The following UPF2 variants were observed in gnomAD, a reference collection of about 807,000 sequenced individuals.
UPF2 encodes UPF2 regulator of nonsense mediated mRNA decay.
A neutral mutation model predicts 141.4 loss-of-function variants in UPF2; 17 were observed. That is an observed-to-expected ratio of 0.12 (90% CI 0.08 to 0.18). The LOEUF is 0.18. Ranked by LOEUF, UPF2 falls within the 10% of genes least tolerant of loss-of-function variation. UPF2 has a pLI of 1.00. For missense variants in UPF2, 1,152 were observed against 1,515.9 expected, an observed-to-expected ratio of 0.76 and a Z score of 3.99; for synonymous variants, 540 against 498.0, an observed-to-expected ratio of 1.08 and a Z score of -1.12.
chr10:11,960,733 G>A (rs1833226562), intron 11 of UPF2, among the ~76,000 whole-genome samples: 1 of 151,782 alleles, frequency 6.6e-6, no homozygotes, highest in South Asian at 2.1e-4. Flanking sequence ...TCATGCCACT[G>A]CACTCCAGCC....
At position 11,979,528 on chromosome 10, in the gene UPF2, C is replaced by CAAGGATT. The variant is rs1833558496; in HGVS notation, c.1845-364_1845-363insAATCCTT. 6.6e-6 allele frequency among the ~76,000 whole-genome samples: 1 copy of CAAGGATT among 152,176 alleles called. No homozygotes were observed. Among genetic ancestry groups the CAAGGATT allele is most frequent in the South Asian group, 2.1e-4 (1 of 4,832 alleles). On this transcript the variant is annotated intron_variant, in intron 8 of 21. Transcript: ENST00000357604. This position sits in a 1 kb window ranked among gnomAD's most constrained non-coding sequence, Gnocchi z 6.2. ...ATTTACAAATCTCAAGGTAACTTCT[C>CAAGGATT]TAGTGCAAGACAAAATCCTTTAAAG...
rs1458378665 is a variant in UPF2, at chr10:12,016,205, C to A, written c.1146-2021G>T. Among the ~76,000 whole-genome samples, 4 of 151,940 alleles carry A rather than the reference C, an allele frequency of 2.6e-5. No individual in the cohort carries two copies. The highest frequency in any genetic ancestry group is 9.7e-5 in the African/African-American group (4 of 41,382). On this transcript the variant is annotated intron_variant, in intron 3 of 21. Transcript: ENST00000357604. This position sits in a 1 kb window ranked among gnomAD's most constrained non-coding sequence, Gnocchi z 4.1. ...AGAACTCATTTTGGAAGTGAAAAGT[C>A]ATTTAAAAAAAATTTTTTTTAATTT...
chr10:11,928,084 C>T (rs560225419), intron 21 of UPF2, among the ~76,000 whole-genome samples: 41 of 152,280 alleles, frequency 2.7e-4, no homozygotes, highest in African/African-American at 7.9e-4. Context: ...TTAACTTAAC[C>T]GCAAGACAAA....
rs73571361 is a variant in UPF2, at chr10:11,956,027, G to A, written c.2574+293C>T. Among the ~76,000 whole-genome samples the A allele has an allele frequency of 2.2e-3, 327 of 152,024 alleles. No individual in the cohort carries two copies. The highest frequency in any genetic ancestry group is 7.5e-3 in the African/African-American group (312 of 41,450). On this transcript the variant is annotated intron_variant, in intron 13 of 21. Coordinates refer to ENST00000357604, the MANE Select transcript of UPF2 (RefSeq NM_015542.4). The surrounding 1 kb of genome is among the most constrained non-coding windows in gnomAD (Gnocchi z 4.2). The stretch of plus-strand genomic sequence containing the variant: ...GGCGTGGTGGCATGCACCTGTAGTA[G>A]TCCCAGCTACTCGGGAAGTTGAAAC...
intron 10 of UPF2, among the ~76,000 whole-genome samples, chr10:11,965,074 AG>A (rs975198091): frequency 6.6e-6 from 1 of 152,180 alleles, no homozygotes; most frequent in Non-Finnish European, 1.5e-5. Context: ...TGAATTTTGG[AG>A]GATTTCAAAT....
In UPF2 at chr10:12,004,458, T is replaced by A. The variant is rs939310485; in HGVS notation, c.1504+72A>T. 96 of 1,218,426 alleles carry A rather than the reference T, an allele frequency of 7.9e-5. No homozygotes were observed. The Middle Eastern group carries it at 8.4e-4, about 11-fold the overall frequency. 75.5% of individuals were successfully genotyped at this position (1,218,426 alleles called of 1,614,324 possible). A position where few individuals can be genotyped will look rare whatever the true frequency, so the allele number is the denominator to read the frequency against. ...ACTAGTAACTACAATATATATATTTTTTTTTTACAAATACTATTTTGAAGC... is the reference window on the plus strand; with the variant it reads ...ACTAGTAACTACAATATATATATTTATTTTTTACAAATACTATTTTGAAGC... On this transcript the variant is annotated intron_variant, in intron 5 of 21. Transcript: ENST00000357604.
intron 8 of UPF2, among the ~76,000 whole-genome samples, chr10:11,991,966 T>C (rs1478709549): frequency 6.6e-6 from 1 of 152,110 alleles, no homozygotes; most frequent in Non-Finnish European, 1.5e-5. Context: ...GCCAACATGA[T>C]GAAACCCTGT....
rs998809274 is a variant in UPF2 at position 11,931,930 on chromosome 10, C to T, written c.3547-148G>A. On this transcript the variant is annotated intron_variant, in intron 19 of 21. Transcript: ENST00000357604. This position sits in a 1 kb window ranked among gnomAD's most constrained non-coding sequence, Gnocchi z 5.9. ...CTTTGGGAGGCCGAGGCGGGCGGAT[C>T]ACGAGGTCAAGAGATCAAGACCATC... 1.3e-6 allele frequency: 1 copy of T among 777,074 alleles called. No individual in the cohort carries two copies. The highest frequency in any genetic ancestry group is 1.8e-5 in the African/African-American group (1 of 55,742). The allele number at this position is 777,074 out of a possible 1,614,324, so 48.1% of individuals were successfully genotyped here.
intron 18 of UPF2, among the ~76,000 whole-genome samples, chr10:11,938,028 C>A (rs1161295739): frequency 6.6e-6 from 1 of 152,176 alleles, no homozygotes; most frequent in Non-Finnish European, 1.5e-5. Context: ...CGACTTCCCA[C>A]TGCCCCAACC....
chr10:12,024,539 G>A (rs1378901061), intron 3 of UPF2, among the ~76,000 whole-genome samples: 1 of 152,076 alleles, frequency 6.6e-6, no homozygotes, highest in African/African-American at 2.4e-5. Context: ...GAACCCAGGA[G>A]GCGGAGGTTG....
At position 11,974,601 on chromosome 10, in the gene UPF2, T is replaced by A. The variant is rs144295133; in HGVS notation, c.1953+4456A>T. Among the ~76,000 whole-genome samples the A allele has an allele frequency of 7.5e-3, 1,136 of 152,298 alleles. 12 individuals carry two copies. Among genetic ancestry groups the A allele is most frequent in the African/African-American group, 0.026 (1,064 of 41,546 alleles). Reference sequence around the variant, plus strand: ...TTTGAGCATGAAGGGCTGTTGAATTTTGTCAAAGGCCTTTTCTGCATCTAT... The same window carrying A: ...TTTGAGCATGAAGGGCTGTTGAATTATGTCAAAGGCCTTTTCTGCATCTAT... On this transcript the variant is annotated intron_variant, in intron 9 of 21. Coordinates refer to ENST00000357604, the MANE Select transcript of UPF2 (RefSeq NM_015542.4).
intron 2 of UPF2, 31 bp downstream of exon 2, chr10:12,035,028 T>G (rs779334004): frequency 2.0e-6 from 3 of 1,525,720 alleles, no homozygotes; most frequent in Non-Finnish European, 2.6e-6. Context: ...TCCCATTCCC[T>G]CACATCAATA....
chr10:12,029,257 T>G lies in UPF2; in HGVS notation c.633A>C (p.Glu211Asp). Residue 211 changes from glutamate to aspartate, a missense_variant, in exon 3 of 22, where the codon GAA becomes GAC. By Grantham distance (45) the Glu-to-Asp change is conservative (BLOSUM62 2). Coordinates refer to ENST00000357604, the MANE Select transcript of UPF2 (RefSeq NM_015542.4). The stretch of plus-strand genomic sequence containing the variant: ...TCACATCAGAGATTTTTAGTTTTGC[T>G]TCCACGATGGAAGCTACAGCTTCTG... ...YIAEAVASIV[E>D]AKLKISDVNC... 2.5e-6 allele frequency: 4 copies of G among 1,614,166 alleles called. No individual in the cohort carries two copies. The highest frequency in any genetic ancestry group is 3.4e-6 in the Non-Finnish European group (4 of 1,180,022).
At chr10:12,040,241 G>A (rs768229266) in intron 1 of UPF2, among the ~76,000 whole-genome samples, 3 of 152,042 alleles carry the variant, frequency 2.0e-5, no homozygotes, top group Admixed American at 1.3e-4. Context: ...CAACAACATG[G>A]TGAAACCCCA....
At chr10:12,039,455 T>A (rs1475591038) in intron 1 of UPF2, among the ~76,000 whole-genome samples, 1 of 152,178 alleles carries the variant, frequency 6.6e-6, no homozygotes, top group Non-Finnish European at 1.5e-5. Context: ...GACAATTTAA[T>A]ATCTAAGGTA....
At chr10:11,928,783 T>G (rs1017102752) in intron 21 of UPF2, 8 of 265,512 alleles carry the variant, frequency 3.0e-5, no homozygotes, top group Non-Finnish European at 5.3e-5. Context: ...CTTTATAGAG[T>G]TTTAAATTAT....
At chr10:11,994,899 C>A (rs12413412) in intron 8 of UPF2, among the ~76,000 whole-genome samples, 7,873 of 143,364 alleles carry the variant, frequency 0.055, 282 homozygotes, top group Non-Finnish European at 0.081. Flanking sequence ...TGGCGTGAAC[C>A]TGGGAGGCAG....
intron 4 of UPF2, among the ~76,000 whole-genome samples, chr10:12,012,795 C>T (rs9424136): frequency 0.61 from 86,725 of 141,122 alleles, 27,048 homozygotes; most frequent in Non-Finnish European, 0.71. Context: ...CAAGACTCCG[C>T]CAAAAAAAAA....
rs1416318290 is a variant in UPF2 at position 11,959,525 on chromosome 10, T to G, written c.2185-169A>C. On this transcript the variant is annotated intron_variant, in intron 11 of 21. Coordinates refer to ENST00000357604, the MANE Select transcript of UPF2 (RefSeq NM_015542.4). The surrounding 1 kb of genome is among the most constrained non-coding windows in gnomAD (Gnocchi z 5.9). Reference sequence around the variant, plus strand: ...CTATAATCCCAGCACTTTGGGAGACTGAGATTGCAGGATCACTTGAATCCA... The same window carrying G: ...CTATAATCCCAGCACTTTGGGAGACGGAGATTGCAGGATCACTTGAATCCA... 6.6e-6 allele frequency among the ~76,000 whole-genome samples: 1 copy of G among 152,134 alleles called. No individual in the cohort carries two copies. Among genetic ancestry groups the G allele is most frequent in the Non-Finnish European group, 1.5e-5 (1 of 68,028 alleles).
Sources: gnomAD v4.1 joint callset for allele counts (sites outside exome capture counted in the v4.1 genomes callset) on GRCh38, gnomAD v4.1.1 for gene constraint, Gnocchi (gnomAD v3.1) non-coding constraint, MANE v1.5 for transcripts, NCBI Gene and HGNC (gene_info 2026-07-23, HGNC 2026-07-21) for gene names.